SETDB2: variants seen among roughly 807,000 people sequenced by gnomAD.
SETDB2 encodes the protein histone-lysine N-methyltransferase SETDB2.
SETDB2 carries 56 observed loss-of-function variants against 82.5 expected under a neutral mutation model. That is an observed-to-expected ratio of 0.68 (90% CI 0.55 to 0.85). SETDB2 has a LOEUF of 0.85. Ranked by LOEUF, SETDB2 falls within the 40% of genes least tolerant of loss-of-function variation. The pLI is 0.00. For missense variants in SETDB2, 677 were observed against 816.4 expected (o/e 0.83, Z 2.08); for synonymous variants, 272 against 284.9 (o/e 0.95, Z 0.46).
In SETDB2 at chr13:49,451,978, A is replaced by C. The variant is rs1381906773; in HGVS notation, c.16+69A>C. The C allele has an allele frequency of 4.2e-6, 5 of 1,176,698 alleles. No homozygotes were observed. In the African/African-American group the frequency reaches 6.4e-5, roughly 15 times the overall value. The allele number at this position is 1,176,698 out of a possible 1,614,324, so 72.9% of individuals were successfully genotyped here. A position where few individuals can be genotyped will look rare whatever the true frequency, so the allele number is the denominator to read the frequency against. ...AAAAGTATATAGACAATGTAAGCTG[A>C]TGTGGAATTGTCAAGGTTTTGCATT... is the stretch of plus-strand genomic sequence containing the variant. On this transcript the variant is annotated intron_variant, in intron 2 of 13. Coordinates refer to ENST00000611815, the MANE Select transcript of SETDB2 (RefSeq NM_001160308.3).
intron 5 of SETDB2, among the ~76,000 whole-genome samples, chr13:49,468,511 C>T (rs1594152580): frequency 6.6e-6 from 1 of 151,454 alleles, no homozygotes; most frequent in Admixed American, 6.6e-5. Flanking sequence ...AATACCTGGG[C>T]CTAACCCTTC....
chr13:49,482,851 G>A lies in SETDB2; in HGVS notation c.1271G>A (p.Cys424Tyr). Residue 424 changes from cysteine (C) to tyrosine (Y), a missense_variant, in exon 9 of 14, where the codon TGT becomes TAT. Cys to Tyr is a radical substitution (Grantham distance 194, BLOSUM62 -2). Transcript: ENST00000611815. The stretch of plus-strand genomic sequence containing the variant: ...AAAAAGAGGAAATTAGAAGTTGCAT[G>A]TTCAGATTGTGAAGTTGAAGTTCTC... ...FSKKRKLEVACSDCEVEVLPL... is the reference protein window; with the variant it reads ...FSKKRKLEVAYSDCEVEVLPL... 12 of 1,613,074 alleles carry A rather than the reference G, an allele frequency of 7.4e-6. No homozygotes were observed. The highest frequency in any genetic ancestry group is 8.5e-6 in the Non-Finnish European group (10 of 1,179,268).
chr13:49,489,250 TTAATGAATCACA>T (rs1958654049), intron 12 of SETDB2: 1 of 176,620 alleles, frequency 5.7e-6, no homozygotes, highest in Non-Finnish European at 1.2e-5. Context: ...ATTACAGGCG[TTAATGAATCACA>T]TGATGAATGT....
intron 12 of SETDB2, among the ~76,000 whole-genome samples, chr13:49,489,682 C>T (rs1418613676): frequency 4.5e-4 from 64 of 141,488 alleles, no homozygotes; most frequent in African/African-American, 1.3e-3. Context: ...CTGCGATCTC[C>T]GCCTCCTAGG....
intron 2 of SETDB2, 30 bp downstream of exon 2, chr13:49,451,939 A>G (rs1219641620): frequency 2.0e-6 from 3 of 1,530,420 alleles, no homozygotes; most frequent in African/African-American, 1.4e-5. Flanking sequence ...GTTACACTTT[A>G]TATCTAAAAG....
intron 2 of SETDB2, among the ~76,000 whole-genome samples, chr13:49,456,387 G>A (rs1028771669): frequency 1.3e-5 from 2 of 152,064 alleles, no homozygotes; most frequent in African/African-American, 2.4e-5. Context: ...TGTACTTGGC[G>A]TCCTTCATTA....
chr13:49,464,809 C>T (rs888847738), intron 4 of SETDB2, among the ~76,000 whole-genome samples: 3 of 152,044 alleles, frequency 2.0e-5, no homozygotes, highest in Admixed American at 6.6e-5. Context: ...GGCCTGTAAT[C>T]CAAGCACTTT....
At position 49,483,442 on chromosome 13, in the gene SETDB2, A is replaced by G. The variant is rs932477796; in HGVS notation, c.1383-22A>G. ...TGAAGAGAATTTTTAGTGATACAGA[A>G]TAACTTTTTTTTCCTTTTTAGGGAA... On this transcript the variant is annotated intron_variant, in intron 9 of 13. Transcript: ENST00000611815. The G allele has an allele frequency of 9.9e-6, 10 of 1,013,732 alleles. No homozygotes were observed. The African/African-American group carries it at 1.5e-4, about 15-fold the overall frequency. The allele number at this position is 1,013,732 out of a possible 1,614,324, so 62.8% of individuals were successfully genotyped here.
chr13:49,465,415 A>G (rs1253741362), intron 4 of SETDB2, among the ~76,000 whole-genome samples: 1 of 152,226 alleles, frequency 6.6e-6, no homozygotes, highest in African/African-American at 2.4e-5. Flanking sequence ...TTGTTAATAT[A>G]GATTTATATA....
At position 49,477,051 on chromosome 13, in the gene SETDB2, A is replaced by G; in HGVS notation, c.869+12A>G. On this transcript the variant is annotated intron_variant, in intron 6 of 13. Coordinates refer to ENST00000611815, the MANE Select transcript of SETDB2 (RefSeq NM_001160308.3). ...GGCTGCATAGACATGTGAGTAGAAAAACATGGCGTTTCAAAAAAATCTTCT... is the reference window on the plus strand; with the variant it reads ...GGCTGCATAGACATGTGAGTAGAAAGACATGGCGTTTCAAAAAAATCTTCT... The G allele has an allele frequency of 1.3e-6, 2 of 1,549,964 alleles. No homozygotes were observed. Among genetic ancestry groups the G allele is most frequent in the Non-Finnish European group, 8.6e-7 (1 of 1,157,834 alleles).
At chr13:49,463,452 CA>C (rs1219591856) in intron 4 of SETDB2, among the ~76,000 whole-genome samples, 1 of 152,134 alleles carries the variant, frequency 6.6e-6, no homozygotes, top group Non-Finnish European at 1.5e-5. Context: ...ACAAAGACAG[CA>C]CTTGACTTTT....
chr13:49,458,657 A>G (rs1957938202), intron 2 of SETDB2, among the ~76,000 whole-genome samples: 1 of 152,206 alleles, frequency 6.6e-6, no homozygotes, highest in Non-Finnish European at 1.5e-5. Context: ...TTGTACGTTA[A>G]TGACTCCAAT....
intron 12 of SETDB2, chr13:49,488,870 A>G (rs796366036): frequency 5.5e-5 from 22 of 403,602 alleles, no homozygotes; most frequent in African/African-American, 4.0e-4. Context: ...AATTAACATT[A>G]AGTGCTTAGA....
At chr13:49,450,372 T>C (rs1334184917) in intron 1 of SETDB2, among the ~76,000 whole-genome samples, 1 of 152,212 alleles carries the variant, frequency 6.6e-6, no homozygotes, top group African/African-American at 2.4e-5. Flanking sequence ...GTTCTGTCAT[T>C]CAGTCATCTA....
chr13:49,462,180 G>A (rs1958008446), intron 4 of SETDB2, among the ~76,000 whole-genome samples: 1 of 152,192 alleles, frequency 6.6e-6, no homozygotes, highest in South Asian at 2.1e-4. Context: ...GCCCATTGGT[G>A]ATTTGCTTAA....
At chr13:49,472,208 G>A (rs1467827045) in intron 5 of SETDB2, among the ~76,000 whole-genome samples, 1 of 152,040 alleles carries the variant, frequency 6.6e-6, no homozygotes, top group Non-Finnish European at 1.5e-5. Flanking sequence ...AGAAGGGACT[G>A]AGCAAAATAC....
chr13:49,488,858 T>C, intron 12 of SETDB2: 2 of 427,016 alleles, frequency 4.7e-6, no homozygotes, highest in Middle Eastern at 6.5e-4. Context: ...GAGAATCTAA[T>C]GAATTAACAT....
At chr13:49,472,813 C>T (rs1006043898) in intron 5 of SETDB2, among the ~76,000 whole-genome samples, 1 of 152,138 alleles carries the variant, frequency 6.6e-6, no homozygotes, top group African/African-American at 2.4e-5. Flanking sequence ...CCACTCCTCC[C>T]TAACTCTTCT....
chr13:49,485,714 G>A lies in SETDB2; in HGVS notation c.1567G>A (p.Gly523Arg). ...AGAGCATCTGAACTCTAAAACCAAG[G>A]GAGCACAAAGTAGGCTTTGTTTCTT... ...PREHLNSKTK[G>R]AQKDSSSNHV... The change falls in exon 11 of 14, where the codon GGA (glycine) becomes AGA (arginine). Residue 523 changes from glycine (G) to arginine (R), a missense_variant. Transcript: ENST00000611815. 1 of 1,613,582 alleles carries A rather than the reference G, an allele frequency of 6.2e-7. No individual in the cohort carries two copies. The highest frequency in any genetic ancestry group is 8.5e-7 in the Non-Finnish European group (1 of 1,179,792).
Sources: gnomAD v4.1 joint callset for allele counts (sites outside exome capture counted in the v4.1 genomes callset) on GRCh38, gnomAD v4.1.1 for gene constraint, MANE v1.5 for transcripts, NCBI Gene and HGNC (gene_info 2026-07-23, HGNC 2026-07-21) for gene names.